OR51B5: variants seen among roughly 807,000 people sequenced by gnomAD.
OR51B5 encodes the protein olfactory receptor family 51 subfamily B member 5.
For synonymous variants in OR51B5, 186 were observed against 144.8 expected (o/e 1.28, Z -2.04); for missense variants, 456 against 374.6 (o/e 1.22, Z -1.79).
At chr11:5,495,577 C>A (rs1037285437) in intron 1 of OR51B5, among the ~76,000 whole-genome samples, 1 of 152,104 alleles carries the variant, frequency 6.6e-6, no homozygotes, top group Admixed American at 6.6e-5. Flanking sequence ...AACTAAAAAT[C>A]TGTAGTAGAT....
rs529729396 is a variant in OR51B5, at chr11:5,401,578, G to A, written n.85-54668C>T. On this transcript the variant is annotated intron_variant and non_coding_transcript_variant, in intron 1 of 4. Transcript: ENST00000415970. ...TTCATACAATTATATTCATTCTTCA[G>A]GTAATTTTTAGCTCTTTTTATATAC... Among the ~76,000 whole-genome samples the A allele has an allele frequency of 3.3e-5, 5 of 152,216 alleles. No homozygotes were observed. The East Asian group carries it at 9.6e-4, about 29-fold the overall frequency.
In OR51B5 at chr11:5,424,878, A is replaced by C. The variant is rs79207518; in HGVS notation, n.85-77968T>G. 2.0e-3 allele frequency among the ~76,000 whole-genome samples: 166 copies of C among 82,538 alleles called. 12 individuals carry two copies. Among genetic ancestry groups the C allele is most frequent in the Middle Eastern group, 0.012 (2 of 172 alleles). The allele number at this position is 82,538 out of a possible 152,430, so 54.1% of individuals were successfully genotyped here. ...GCGCCTATAGTCCCAGCTACTCAGG[A>C]GGCTGAGGCAGGAGAATGGCGGGAA... On this transcript the variant is annotated intron_variant and non_coding_transcript_variant, in intron 1 of 4. Transcript: ENST00000415970.
intron 1 of OR51B5, among the ~76,000 whole-genome samples, chr11:5,431,995 C>A (rs188693086): frequency 1.9e-3 from 294 of 152,260 alleles, no homozygotes; most frequent in Middle Eastern, 6.8e-3. Context: ...ATATTCATCA[C>A]CTTGAGTGCT....
chr11:5,475,614 G>A (rs975438819), intron 1 of OR51B5, among the ~76,000 whole-genome samples: 1 of 152,086 alleles, frequency 6.6e-6, no homozygotes, highest in African/African-American at 2.4e-5. Context: ...CTAACATCTT[G>A]CAGAGTTATG....
In OR51B5 at chr11:5,355,879, G is replaced by T. The variant is rs114767267; in HGVS notation, n.85-8969C>A. ...ACATAGGCGTCAATATACAGACAAG[G>T]TCCTGGAAGTTCTTTTAAAAATCTG... On this transcript the variant is annotated intron_variant and non_coding_transcript_variant, in intron 1 of 4. Transcript: ENST00000415970. Among the ~76,000 whole-genome samples the T allele has an allele frequency of 4.1e-3, 631 of 152,198 alleles. 7 individuals carry two copies. Among genetic ancestry groups the T allele is most frequent in the African/African-American group, 0.014 (594 of 41,522 alleles).
chr11:5,420,634 G>C (rs1850319394), intron 1 of OR51B5, among the ~76,000 whole-genome samples: 1 of 141,574 alleles, frequency 7.1e-6, no homozygotes, highest in Non-Finnish European at 1.6e-5. Context: ...TGTGATTCTT[G>C]TCTATTGCTG....
intron 1 of OR51B5, among the ~76,000 whole-genome samples, chr11:5,483,554 TA>T (rs199621709): frequency 7.7e-4 from 102 of 132,592 alleles, no homozygotes; most frequent in East Asian, 1.3e-3. Flanking sequence ...AAAGTACAGC[TA>T]AAAAAAAAAA....
At chr11:5,351,948 G>T (rs147610622) in intron 1 of OR51B5, 1 of 1,613,080 alleles carries the variant, frequency 6.2e-7, no homozygotes, top group Admixed American at 1.7e-5. Flanking sequence ...TGCGGGTATT[G>T]ACAAGGGCTG....
At chr11:5,377,263 C>G (rs1246128555) in intron 1 of OR51B5, among the ~76,000 whole-genome samples, 1 of 152,108 alleles carries the variant, frequency 6.6e-6, no homozygotes, top group Non-Finnish European at 1.5e-5. Context: ...TTCAACAACC[C>G]TTCATGCTAA....
At chr11:5,460,410 T>C (rs1407349024) in intron 1 of OR51B5, among the ~76,000 whole-genome samples, 1 of 152,216 alleles carries the variant, frequency 6.6e-6, no homozygotes, top group African/African-American at 2.4e-5. Context: ...AAAAAGAAAT[T>C]CTTCTACTGA....
intron 1 of OR51B5, chr11:5,389,832 C>G (rs1245668620): frequency 6.2e-7 from 1 of 1,613,900 alleles, no homozygotes; most frequent in South Asian, 1.1e-5. Context: ...CTGAGGTATT[C>G]GGTCATTATC....
At chr11:5,444,285 C>T (rs1850732653) in intron 1 of OR51B5, among the ~76,000 whole-genome samples, 1 of 152,076 alleles carries the variant, frequency 6.6e-6, no homozygotes, top group South Asian at 2.1e-4. Context: ...GCTGTACACA[C>T]AAAAGTCAGG....
At chr11:5,423,574 T>C (rs1442633502) in intron 1 of OR51B5, among the ~76,000 whole-genome samples, 1 of 152,222 alleles carries the variant, frequency 6.6e-6, no homozygotes. Flanking sequence ...TTAGATCTTC[T>C]GTTCTGGGTC....
chr11:5,345,357 G>A (rs928460959), upstream of OR51B5, among the ~76,000 whole-genome samples: 1 of 152,038 alleles, frequency 6.6e-6, no homozygotes, highest in Non-Finnish European at 1.5e-5. Context: ...GAGAGAAGCA[G>A]GGGAAATGAA....
chr11:5,378,349 A>T (rs1442731080), intron 1 of OR51B5, among the ~76,000 whole-genome samples: 1 of 152,116 alleles, frequency 6.6e-6, no homozygotes, highest in Non-Finnish European at 1.5e-5. Flanking sequence ...ACCTAAAACC[A>T]TAAAAACCCT....
chr11:5,400,908 A>G (rs139674863), intron 1 of OR51B5, among the ~76,000 whole-genome samples: 388 of 152,328 alleles, frequency 2.5e-3, no homozygotes, highest in African/African-American at 8.8e-3. Flanking sequence ...GGCTGAATGG[A>G]AAGTTCATAC....
intron 1 of OR51B5, among the ~76,000 whole-genome samples, chr11:5,379,555 G>C (rs1849579304): frequency 6.6e-6 from 1 of 151,882 alleles, no homozygotes; most frequent in Non-Finnish European, 1.5e-5. Flanking sequence ...TTTCTTGTAT[G>C]CAATGTGTCT....
chr11:5,481,821 G>A (rs1851425957), intron 1 of OR51B5, among the ~76,000 whole-genome samples: 1 of 138,130 alleles, frequency 7.2e-6, no homozygotes, highest in Admixed American at 7.2e-5. Flanking sequence ...CCTCTTCAAG[G>A]AGAACTACAA....
chr11:5,479,733 T>G (rs1851384770), intron 1 of OR51B5, among the ~76,000 whole-genome samples: 1 of 145,846 alleles, frequency 6.9e-6, no homozygotes, highest in Non-Finnish European at 1.5e-5. Context: ...TAAAATAGAC[T>G]TTAAACCAAC....
Sources: gnomAD v4.1 joint callset for allele counts (sites outside exome capture counted in the v4.1 genomes callset) on GRCh38, gnomAD v4.1.1 for gene constraint, MANE v1.5 for transcripts, NCBI Gene and HGNC (gene_info 2026-07-23, HGNC 2026-07-21) for gene names.